Variants in HPSE2 observed in about 807,000 individuals in gnomAD.
The protein encoded by HPSE2 is heparanase 2 (inactive).
A neutral mutation model predicts 60.5 loss-of-function variants in HPSE2; 38 were observed. That is an observed-to-expected ratio of 0.63 (90% CI 0.48 to 0.82). HPSE2 has a LOEUF of 0.82. Ranked by LOEUF, HPSE2 falls within the 40% of genes least tolerant of loss-of-function variation. The probability of loss-of-function intolerance (pLI) is 0.00; values close to 1 mark genes in which losing one functional copy is unlikely to be tolerated. For synonymous variants in HPSE2, 295 were observed against 293.2 expected (o/e 1.01, Z -0.06); for missense variants, 713 against 740.4 (o/e 0.96, Z 0.43).
chr10:98,916,466 A>C (rs1954122825), intron 3 of HPSE2, among the ~76,000 whole-genome samples: 2 of 152,204 alleles, frequency 1.3e-5, no homozygotes, highest in Non-Finnish European at 2.9e-5. Context: ...GACTCTCTTA[A>C]TTCTTCTCAG....
intron 3 of HPSE2, among the ~76,000 whole-genome samples, chr10:98,960,701 C>CTTTTTTTTTTTATTTTTATTTTTTT (rs1955634019): frequency 1.7e-5 from 1 of 57,568 alleles, no homozygotes; most frequent in African/African-American, 8.4e-5. Context: ...ATGTACATTT[C>CTTTTTTTTTTTATTTTTATTTTTTT]TTTTTTTTTT....
rs187464195 is a variant in HPSE2 at position 98,849,431 on chromosome 10, A to C, written c.611-105375T>G. Among the ~76,000 whole-genome samples the C allele has an allele frequency of 1.6e-3, 238 of 152,362 alleles. 1 individual carries two copies. The highest frequency in any genetic ancestry group is 6.3e-4 in the Non-Finnish European group (43 of 68,032). ...TAAACAGAATCAGAGTAAATAAGCC[A>C]AAGAGTAAGCTAAGATTGGAAATAT... On this transcript the variant is annotated intron_variant, in intron 3 of 11. Transcript: ENST00000370552.
At chr10:98,831,136 T>C (rs1046531711) in intron 3 of HPSE2, among the ~76,000 whole-genome samples, 3 of 152,002 alleles carry the variant, frequency 2.0e-5, no homozygotes, top group African/African-American at 4.8e-5. Context: ...CAGGAAGAAA[T>C]AGGGTGAGCA....
At position 98,512,812 on chromosome 10, in the gene HPSE2, AAC is replaced by A. The variant is rs71007394; in HGVS notation, c.1321-22618_1321-22617del. On this transcript the variant is annotated intron_variant, in intron 9 of 11. Transcript: ENST00000370552. ...CAGACCCATTCCACTCCCACCCCCC[AAC>A]ACACACACACACACACACACACACA... Among the ~76,000 whole-genome samples the A allele has an allele frequency of 4.3e-3, 535 of 124,612 alleles. 3 individuals carry two copies. Among genetic ancestry groups the A allele is most frequent in the Middle Eastern group, 0.017 (4 of 242 alleles). The allele number at this position is 124,612 out of a possible 152,430, so 81.8% of individuals were successfully genotyped here.
chr10:98,854,015 A>C (rs1361336945), intron 3 of HPSE2, among the ~76,000 whole-genome samples: 1 of 152,140 alleles, frequency 6.6e-6, no homozygotes, highest in African/African-American at 2.4e-5. Flanking sequence ...TGTCTCAATA[A>C]TTTTAAAAAT....
At position 98,470,102 on chromosome 10, in the gene HPSE2, G is replaced by GGTGT. The variant is rs55762346; in HGVS notation, c.1614-10367_1614-10364dup. Among the ~76,000 whole-genome samples the GGTGT allele has an allele frequency of 7.1e-3, 1,072 of 150,370 alleles. 8 individuals are homozygous for GGTGT. The highest frequency in any genetic ancestry group is 0.022 in the African/African-American group (901 of 41,026). ...TGGAGTGAAGACAGGTAGGAAGGCA[G>GGTGT]GTGTGTGTGTGTGTGTGTGTGTGTA... On this transcript the variant is annotated intron_variant, in intron 11 of 11. Transcript: ENST00000370552.
chr10:99,040,607 T>G (rs139354154), intron 3 of HPSE2, among the ~76,000 whole-genome samples: 1 of 152,164 alleles, frequency 6.6e-6, no homozygotes, highest in Non-Finnish European at 1.5e-5. Context: ...CTGCCGCTCA[T>G]TTATGTCATT....
At chr10:98,624,286 T>C (rs1946149656) in intron 7 of HPSE2, among the ~76,000 whole-genome samples, 1 of 152,168 alleles carries the variant, frequency 6.6e-6, no homozygotes, top group Non-Finnish European at 1.5e-5. Context: ...GTACTTTAGA[T>C]AGCGGTCAGA....
At chr10:98,753,446 A>C (rs980442235) in intron 3 of HPSE2, among the ~76,000 whole-genome samples, 3 of 152,212 alleles carry the variant, frequency 2.0e-5, no homozygotes. Flanking sequence ...ATACTTGTAC[A>C]TCAATGTTAA....
chr10:99,146,325 A>G lies in HPSE2; in HGVS notation c.449-1926T>C, dbSNP rs72840363. Among the ~76,000 whole-genome samples the G allele has an allele frequency of 6.7e-3, 1,016 of 152,270 alleles. 8 individuals are homozygous for G. The highest frequency in any genetic ancestry group is 0.027 in the South Asian group (128 of 4,818). ...CTTCATCTATTATAGAGACTGAAAA[A>G]CTACACTATACAATTTCCCAGCTTT... On this transcript the variant is annotated intron_variant, in intron 2 of 11. Transcript: ENST00000370552.
chr10:99,281,562 T>C, the HPSE2 span, among the ~76,000 whole-genome samples: 4 of 152,114 alleles, frequency 2.6e-5, no homozygotes, highest in African/African-American at 9.6e-5. Context: ...CTCGTAATAG[T>C]ATTTGAATTA....
At chr10:98,945,255 G>A (rs774004351) in intron 3 of HPSE2, among the ~76,000 whole-genome samples, 5 of 152,050 alleles carry the variant, frequency 3.3e-5, no homozygotes, top group African/African-American at 7.2e-5. Context: ...CTTCTAAATG[G>A]TCACAATGTA....
intron 3 of HPSE2, among the ~76,000 whole-genome samples, chr10:98,945,961 T>A (rs1212990943): frequency 6.6e-6 from 1 of 152,124 alleles, no homozygotes; most frequent in Non-Finnish European, 1.5e-5. Context: ...GCGGGTCAAC[T>A]TATATGCAGA....
At chr10:98,633,131 G>A (rs1946408806) in intron 7 of HPSE2, among the ~76,000 whole-genome samples, 1 of 152,016 alleles carries the variant, frequency 6.6e-6, no homozygotes, top group South Asian at 2.1e-4. Context: ...TTATGATGAT[G>A]ATCTGCTTCC....
At chr10:98,480,051 C>A (rs1190385422) in intron 11 of HPSE2, among the ~76,000 whole-genome samples, 1 of 151,956 alleles carries the variant, frequency 6.6e-6, no homozygotes, top group Non-Finnish European at 1.5e-5. Context: ...TCTTAAGGAT[C>A]CCTGTAGAAT....
At chr10:99,053,483 G>A (rs1004080107) in intron 3 of HPSE2, among the ~76,000 whole-genome samples, 2 of 151,828 alleles carry the variant, frequency 1.3e-5, no homozygotes, top group Non-Finnish European at 2.9e-5. Context: ...AAACAGACAG[G>A]ACAAAGGAAA....
At chr10:98,859,443 G>A (rs1952399861) in intron 3 of HPSE2, among the ~76,000 whole-genome samples, 1 of 152,138 alleles carries the variant, frequency 6.6e-6, no homozygotes, top group South Asian at 2.1e-4. Flanking sequence ...AGAAAAGTGA[G>A]TGCAGAAAGT....
chr10:98,721,103 T>C (rs182283486), intron 5 of HPSE2, among the ~76,000 whole-genome samples: 5 of 152,202 alleles, frequency 3.3e-5, no homozygotes, highest in East Asian at 1.9e-4. Flanking sequence ...AAATTCCTGA[T>C]CAGTATCTTT....
chr10:98,987,099 T>C (rs1352443415), intron 3 of HPSE2, among the ~76,000 whole-genome samples: 1 of 151,918 alleles, frequency 6.6e-6, no homozygotes, highest in Non-Finnish European at 1.5e-5. Flanking sequence ...TCTGAAACTA[T>C]TCCGATCAAT....
Sources: gnomAD v4.1 joint callset for allele counts (sites outside exome capture counted in the v4.1 genomes callset) on GRCh38, gnomAD v4.1.1 for gene constraint, MANE v1.5 for transcripts, NCBI Gene and HGNC (gene_info 2026-07-23, HGNC 2026-07-21) for gene names.